Variants in NBEA observed in about 807,000 individuals in gnomAD.
NBEA encodes lysosomal-trafficking regulator 2.
Under a neutral mutation model 343.4 loss-of-function variants are expected in NBEA, and 44 were observed. The ratio of observed to expected loss-of-function variants is 0.13; its 90% CI spans 0.10 to 0.16. NBEA has a LOEUF of 0.16. Ranked by LOEUF, NBEA falls within the 10% of genes least tolerant of loss-of-function variation. The probability of loss-of-function intolerance (pLI) is 1.00; values close to 1 mark genes in which losing one functional copy is unlikely to be tolerated. For missense variants in NBEA, 2,555 were observed against 3,631.3 expected, an observed-to-expected ratio of 0.70 and a Z score of 7.62; for synonymous variants, 1,175 against 1,238.7, an observed-to-expected ratio of 0.95 and a Z score of 1.08.
At chr13:35,614,766 C>G (rs2082662797) in intron 48 of NBEA, among the ~76,000 whole-genome samples, 1 of 152,140 alleles carries the variant, frequency 6.6e-6, no homozygotes, top group African/African-American at 2.4e-5. Flanking sequence ...CATTCTTCTC[C>G]CCTAGTATAG....
chr13:35,520,877 A>G (rs2077679379), intron 41 of NBEA, among the ~76,000 whole-genome samples: 1 of 152,192 alleles, frequency 6.6e-6, no homozygotes, highest in South Asian at 2.1e-4. Context: ...TGTATGACAT[A>G]CTATAAATGA....
chr13:35,096,976 T>G (rs2065367718), intron 10 of NBEA, among the ~76,000 whole-genome samples: 1 of 151,926 alleles, frequency 6.6e-6, no homozygotes, highest in African/African-American at 2.4e-5. Context: ...TTTTTGTGGT[T>G]TAAGGATATA....
At chr13:35,263,362 A>G (rs1025171295) in intron 34 of NBEA, among the ~76,000 whole-genome samples, 1 of 152,196 alleles carries the variant, frequency 6.6e-6, no homozygotes, top group African/African-American at 2.4e-5. Flanking sequence ...ACTTTTAGCA[A>G]TGGAGAGATC....
chr13:35,067,971 C>T (rs1354323403), intron 8 of NBEA, among the ~76,000 whole-genome samples: 1 of 152,020 alleles, frequency 6.6e-6, no homozygotes, highest in Non-Finnish European at 1.5e-5. Flanking sequence ...CTCCGGGCCT[C>T]AAGTGATCCT....
intron 33 of NBEA, among the ~76,000 whole-genome samples, chr13:35,216,078 T>C (rs929952283): frequency 1.3e-5 from 2 of 151,842 alleles, no homozygotes; most frequent in Non-Finnish European, 2.9e-5. Flanking sequence ...TTTTTTCTCA[T>C]TTTTTCATTA....
rs1307278482 is a variant in NBEA, at chr13:35,004,248, A to G, written c.295-36685A>G. On this transcript the variant is annotated intron_variant, in intron 1 of 58. Transcript: ENST00000379939. ...AGTGCTGCAGTGCACACACGTGTGC[A>G]TGTATTTTTGTAATAGAATGATTTA... Among the ~76,000 whole-genome samples the G allele has an allele frequency of 2.6e-5, 4 of 152,176 alleles. No individual in the cohort carries two copies. The East Asian group carries it at 7.7e-4, about 29-fold the overall frequency.
At chr13:35,239,070 CA>C (rs751032708) in intron 34 of NBEA, among the ~76,000 whole-genome samples, 46 of 151,620 alleles carry the variant, frequency 3.0e-4, no homozygotes, top group African/African-American at 1.0e-3. Context: ...TACAATAATA[CA>C]AAAAAATGTA....
At chr13:35,186,399 CT>C (rs1158373944) in intron 30 of NBEA, 1 of 151,994 alleles carries the variant, frequency 6.6e-6, no homozygotes, top group Non-Finnish European at 1.5e-5. Context: ...ATTGGGCAGA[CT>C]ATTTTATATT....
rs555574634 is a variant in NBEA at position 35,032,714 on chromosome 13, G to T, written c.295-8219G>T. Among the ~76,000 whole-genome samples the T allele has an allele frequency of 7.2e-5, 11 of 151,810 alleles. No homozygotes were observed. The South Asian group carries it at 2.3e-3, about 31-fold the overall frequency. On this transcript the variant is annotated intron_variant, in intron 1 of 58. Transcript: ENST00000379939. ...AAGACATTTTTAACTGGGGTGAGAT[G>T]ATATCTCATTGTAGTTTTGATTTGA...
chr13:35,218,232 T>A (rs1440976857), intron 33 of NBEA, among the ~76,000 whole-genome samples: 1 of 152,106 alleles, frequency 6.6e-6, no homozygotes, highest in Admixed American at 6.6e-5. Context: ...GGAAGGTAAT[T>A]TTAGACCATC....
intron 18 of NBEA, among the ~76,000 whole-genome samples, chr13:35,150,987 G>A (rs957560556): frequency 7.2e-5 from 11 of 151,860 alleles, no homozygotes; most frequent in African/African-American, 2.7e-4. Flanking sequence ...GTGTGGTGCT[G>A]TGCACCTGTA....
At chr13:35,470,180 C>T (rs749777981) in intron 40 of NBEA, among the ~76,000 whole-genome samples, 6 of 152,264 alleles carry the variant, frequency 3.9e-5, no homozygotes, top group Non-Finnish European at 5.9e-5. Context: ...AAGACCAGTT[C>T]GAAGCCCTTT....
intron 36 of NBEA, among the ~76,000 whole-genome samples, chr13:35,336,220 A>G (rs974436662): frequency 5.3e-4 from 81 of 152,146 alleles, no homozygotes; most frequent in Non-Finnish European, 9.3e-4. Flanking sequence ...AAGAGAGAGA[A>G]TGAGATTTCA....
chr13:35,322,572 A>G (rs985139978), intron 36 of NBEA, among the ~76,000 whole-genome samples: 19 of 152,302 alleles, frequency 1.2e-4, no homozygotes, highest in Non-Finnish European at 2.1e-4. Context: ...ATTCGGCAAG[A>G]TGGCCAGCCA....
chr13:34,953,792 G>A (rs1275648975), intron 1 of NBEA, among the ~76,000 whole-genome samples: 1 of 152,184 alleles, frequency 6.6e-6, no homozygotes, highest in African/African-American at 2.4e-5. Flanking sequence ...CCACGGACCT[G>A]TTAGGAACTG....
chr13:35,121,483 G>GT (rs111380752), intron 16 of NBEA, among the ~76,000 whole-genome samples: 1,598 of 141,116 alleles, frequency 0.011, 16 homozygotes, highest in African/African-American at 0.026. Context: ...TCTTGAATGT[G>GT]TTTTTTTTTT....
At chr13:35,561,223 C>T (rs183170270) in intron 44 of NBEA, among the ~76,000 whole-genome samples, 42 of 152,102 alleles carry the variant, frequency 2.8e-4, no homozygotes, top group Non-Finnish European at 5.9e-5. Context: ...TCAGTAAATA[C>T]CCATGAAATT....
chr13:35,317,529 C>T (rs1479162993), intron 36 of NBEA, among the ~76,000 whole-genome samples: 1 of 152,140 alleles, frequency 6.6e-6, no homozygotes, highest in Non-Finnish European at 1.5e-5. Context: ...AGTTTGAAGT[C>T]AGGTAGCATG....
chr13:35,356,322 T>G lies in NBEA; in HGVS notation c.6179+3999T>G, dbSNP rs190243575. Among the ~76,000 whole-genome samples the G allele has an allele frequency of 1.8e-3, 279 of 152,302 alleles. 2 individuals are homozygous for G. The highest frequency in any genetic ancestry group is 2.1e-3 in the Non-Finnish European group (143 of 68,018). On this transcript the variant is annotated intron_variant, in intron 38 of 58. Transcript: ENST00000379939. ...CATAGAAAAGTTTATATATTCTAAC[T>G]GGAGTCACAAGTTCCTCAAAAAGAC...
Sources: gnomAD v4.1 joint callset for allele counts (sites outside exome capture counted in the v4.1 genomes callset) on GRCh38, gnomAD v4.1.1 for gene constraint, MANE v1.5 for transcripts, NCBI Gene and HGNC (gene_info 2026-07-23, HGNC 2026-07-21) for gene names.